Variants in ADAMTS6 observed in about 807,000 individuals in gnomAD.
ADAMTS6 encodes A disintegrin and metalloproteinase with thrombospondin motifs 6.
A neutral mutation model predicts 144.3 loss-of-function variants in ADAMTS6; 23 were observed. The observed-to-expected ratio is 0.16, with a 90% CI of 0.11 to 0.23. ADAMTS6 has a LOEUF of 0.23. Among genes scored for constraint, ADAMTS6 ranks in the 10% least tolerant of loss-of-function variants. The pLI is 1.00. For synonymous variants in ADAMTS6, 444 were observed against 457.5 expected (o/e 0.97, Z 0.38); for missense variants, 999 against 1,379.6 (o/e 0.72, Z 4.37).
chr5:65,407,241 T>C (rs1026700692), intron 7 of ADAMTS6, among the ~76,000 whole-genome samples: 3 of 151,816 alleles, frequency 2.0e-5, no homozygotes, highest in African/African-American at 4.8e-5. Context: ...GAGAGAAAGG[T>C]CGGGTTACCC....
intron 7 of ADAMTS6, among the ~76,000 whole-genome samples, chr5:65,373,454 C>G (rs1751182587): frequency 6.6e-6 from 1 of 150,640 alleles, no homozygotes; most frequent in African/African-American, 2.4e-5. Context: ...GAAATACAAA[C>G]TACCATCAGA....
intron 16 of ADAMTS6, 80 bp downstream of exon 16, chr5:65,226,006 A>C (rs1360370685): frequency 7.1e-7 from 1 of 1,403,132 alleles, no homozygotes; most frequent in Non-Finnish European, 9.4e-7. Context: ...AAAAAATTAA[A>C]CATAGTATTA....
At chr5:65,167,334 A>G (rs1753237865) in intron 24 of ADAMTS6, among the ~76,000 whole-genome samples, 1 of 152,216 alleles carries the variant, frequency 6.6e-6, no homozygotes, top group South Asian at 2.1e-4. Context: ...CTAAACCAGG[A>G]AGAAGTTGAA....
At chr5:65,466,903 G>A (rs189941001) in intron 3 of ADAMTS6, among the ~76,000 whole-genome samples, 3 of 152,088 alleles carry the variant, frequency 2.0e-5, no homozygotes, top group African/African-American at 4.8e-5. Flanking sequence ...TTAGCCGGGC[G>A]TAGTGGCGGG....
chr5:65,370,395 C>T (rs965178377), intron 7 of ADAMTS6, among the ~76,000 whole-genome samples: 14 of 152,138 alleles, frequency 9.2e-5, no homozygotes, highest in South Asian at 2.1e-4. Flanking sequence ...TGTCAGACAG[C>T]GCGCGCAGGT....
chr5:65,456,826 C>T (rs1016605827), intron 4 of ADAMTS6, among the ~76,000 whole-genome samples: 1 of 151,978 alleles, frequency 6.6e-6, no homozygotes, highest in Non-Finnish European at 1.5e-5. Flanking sequence ...TCTAAATTTT[C>T]TAAAAGGAAC....
At chr5:65,291,307 C>T (rs970938135) in intron 11 of ADAMTS6, 22 bp downstream of exon 11, 1 of 1,596,888 alleles carries the variant, frequency 6.3e-7, no homozygotes, top group Non-Finnish European at 8.5e-7. Flanking sequence ...AATGACGAAA[C>T]ATAAGGATGA....
chr5:65,359,553 A>G (rs184716490), intron 7 of ADAMTS6, among the ~76,000 whole-genome samples: 5 of 152,318 alleles, frequency 3.3e-5, no homozygotes, highest in Admixed American at 1.3e-4. Context: ...ACTTACAGGT[A>G]TATGTCCAAA....
intron 7 of ADAMTS6, among the ~76,000 whole-genome samples, chr5:65,424,167 C>T (rs1365828613): frequency 6.6e-6 from 1 of 152,120 alleles, no homozygotes; most frequent in African/African-American, 2.4e-5. Context: ...TTAACCCTTC[C>T]TCACCACCCC....
intron 14 of ADAMTS6, among the ~76,000 whole-genome samples, chr5:65,250,914 CA>C (rs1378724848): frequency 1.3e-5 from 2 of 152,104 alleles, no homozygotes; most frequent in Non-Finnish European, 2.9e-5. Flanking sequence ...TTACTCTTTA[CA>C]AAAAGTAAGT....
intron 4 of ADAMTS6, among the ~76,000 whole-genome samples, chr5:65,459,365 C>T (rs1417881629): frequency 6.6e-6 from 1 of 152,082 alleles, no homozygotes; most frequent in Non-Finnish European, 1.5e-5. Context: ...TAAACAAACC[C>T]CTTAACATGG....
intron 7 of ADAMTS6, among the ~76,000 whole-genome samples, chr5:65,366,478 T>A (rs777775499): frequency 7.9e-5 from 12 of 152,194 alleles, no homozygotes; most frequent in Non-Finnish European, 7.3e-5. Context: ...AAGAAGTTAG[T>A]CACAATGCCC....
At chr5:65,258,381 AT>A (rs1270627052) in intron 14 of ADAMTS6, among the ~76,000 whole-genome samples, 4 of 152,218 alleles carry the variant, frequency 2.6e-5, no homozygotes, top group Non-Finnish European at 2.9e-5. Flanking sequence ...TGGAGCAGAG[AT>A]AACGAGAAAG....
intron 7 of ADAMTS6, among the ~76,000 whole-genome samples, chr5:65,382,003 A>G (rs1202125121): frequency 6.6e-6 from 1 of 152,220 alleles, no homozygotes; most frequent in East Asian, 1.9e-4. Context: ...AGACTTTTGT[A>G]TAACTAGAAG....
intron 7 of ADAMTS6, among the ~76,000 whole-genome samples, chr5:65,413,662 T>C (rs1357682915): frequency 6.6e-6 from 1 of 152,098 alleles, no homozygotes; most frequent in Non-Finnish European, 1.5e-5. Flanking sequence ...AACGTCATTT[T>C]ACAATAAAAA....
chr5:65,394,503 C>G (rs181800257), intron 7 of ADAMTS6, among the ~76,000 whole-genome samples: 49 of 152,066 alleles, frequency 3.2e-4, no homozygotes, highest in African/African-American at 1.2e-3. Context: ...CAACTTATCA[C>G]GAAGCAATAA....
chr5:65,417,259 C>A (rs780731726), intron 7 of ADAMTS6, among the ~76,000 whole-genome samples: 62 of 152,100 alleles, frequency 4.1e-4, no homozygotes, highest in Admixed American at 1.2e-3. Context: ...ATGACAAACC[C>A]ACAGCCAACA....
At chr5:65,449,390 G>C (rs561106810) in intron 7 of ADAMTS6, among the ~76,000 whole-genome samples, 3 of 152,310 alleles carry the variant, frequency 2.0e-5, no homozygotes, top group African/African-American at 7.2e-5. Context: ...GCCGAGGTGG[G>C]CGGATCACGA....
At chr5:65,159,661 C>T (rs1295680587) in intron 24 of ADAMTS6, among the ~76,000 whole-genome samples, 5 of 152,228 alleles carry the variant, frequency 3.3e-5, no homozygotes, top group African/African-American at 1.2e-4. Flanking sequence ...TGGAACAGTA[C>T]TGCTCATATT....
Sources: allele counts gnomAD v4.1 joint callset (sites outside exome capture counted in the v4.1 genomes callset), GRCh38; gene constraint gnomAD v4.1.1; transcripts MANE v1.5; gene names NCBI Gene and HGNC (gene_info 2026-07-23, HGNC 2026-07-21).